UBAP2: variants seen among roughly 807,000 people sequenced by gnomAD.
The protein encoded by UBAP2 is ubiquitin associated protein 2.
In UBAP2, 75 loss-of-function variants were observed where a neutral mutation model predicts 139.6. The ratio of observed to expected loss-of-function variants is 0.54; its 90% CI spans 0.45 to 0.65. The LOEUF (loss-of-function observed/expected upper bound fraction) is 0.65. Among genes scored for constraint, UBAP2 ranks in the 30% least tolerant of loss-of-function variants. UBAP2 has a pLI of 0.00. For missense variants in UBAP2, 1,368 were observed against 1,369.6 expected (o/e 1.00, Z 0.02); for synonymous variants, 526 against 526.2 (o/e 1.00, Z 0.01).
chr9:34,009,806 C>CTTTT (rs201452836), intron 2 of UBAP2, among the ~76,000 whole-genome samples: 2 of 129,814 alleles, frequency 1.5e-5, no homozygotes, highest in African/African-American at 5.6e-5. Flanking sequence ...CTTATATTTC[C>CTTTT]TTTTTTTTTT....
Position 33,979,160 on chromosome 9 carries a change from C to T in UBAP2, c.521-5923G>A, listed in dbSNP as rs75817453. The stretch of plus-strand genomic sequence containing the variant: ...TAAGGCAGCAGGAGTATTGCTTGAA[C>T]GTAAGAGTTGGAGGTTGCAGTGAGC... On this transcript the variant is annotated intron_variant, in intron 6 of 28. Coordinates refer to ENST00000379238, the MANE Select transcript of UBAP2 (RefSeq NM_001370062.2). 2.9e-3 allele frequency among the ~76,000 whole-genome samples: 440 copies of T among 152,206 alleles called. 3 individuals carry two copies. Among genetic ancestry groups the T allele is most frequent in the African/African-American group, 9.7e-3 (402 of 41,530 alleles).
At chr9:33,983,426 A>G (rs907639629) in intron 6 of UBAP2, among the ~76,000 whole-genome samples, 3 of 152,172 alleles carry the variant, frequency 2.0e-5, no homozygotes, top group African/African-American at 7.2e-5. Flanking sequence ...ATACCCTAGG[A>G]AAGAAAACCC....
At chr9:33,965,142 G>A (rs1014169488) in intron 8 of UBAP2, among the ~76,000 whole-genome samples, 4 of 152,076 alleles carry the variant, frequency 2.6e-5, no homozygotes, top group Admixed American at 1.3e-4. Flanking sequence ...ACCAGTCTCC[G>A]TGTTAAAACA....
At chr9:33,990,072 T>C (rs1587621841) in intron 4 of UBAP2, among the ~76,000 whole-genome samples, 4 of 132,298 alleles carry the variant, frequency 3.0e-5, no homozygotes, top group Non-Finnish European at 6.6e-5. Flanking sequence ...TATATATATA[T>C]AAATGGCTGA....
rs1416722993 is a variant in UBAP2, at chr9:34,030,929, A to C, written c.-41-13740T>G. 2.0e-5 allele frequency among the ~76,000 whole-genome samples: 3 copies of C among 151,748 alleles called. No individual in the cohort carries two copies. The East Asian group carries it at 5.8e-4, about 30-fold the overall frequency. ...TGGGCGACAGAGCAAGACTCATCTCAAAAAAATTAAACTAAAAATAAAAAT... is the reference window on the plus strand; with the variant it reads ...TGGGCGACAGAGCAAGACTCATCTCCAAAAAATTAAACTAAAAATAAAAAT... On this transcript the variant is annotated intron_variant, in intron 1 of 28. Coordinates refer to ENST00000379238, the MANE Select transcript of UBAP2 (RefSeq NM_001370062.2).
intron 1 of UBAP2, among the ~76,000 whole-genome samples, chr9:34,047,166 TGAGAG>T (rs1827676463): frequency 6.6e-6 from 1 of 152,032 alleles, no homozygotes; most frequent in Non-Finnish European, 1.5e-5. Context: ...TTATTGAGGG[TGAGAG>T]GCAACAGGGA....
intron 12 of UBAP2, among the ~76,000 whole-genome samples, chr9:33,951,265 C>T (rs1363495116): frequency 6.6e-6 from 1 of 151,658 alleles, no homozygotes; most frequent in Non-Finnish European, 1.5e-5. Flanking sequence ...AATCTTCCAG[C>T]CTCAGCCTCC....
chr9:34,030,295 C>T (rs543567302), intron 1 of UBAP2, among the ~76,000 whole-genome samples: 1 of 151,708 alleles, frequency 6.6e-6, no homozygotes, highest in South Asian at 2.1e-4. Context: ...AATACAAAAA[C>T]AAAATTAGCC....
chr9:33,961,732 T>C (rs1218108497), intron 9 of UBAP2, among the ~76,000 whole-genome samples: 1 of 152,136 alleles, frequency 6.6e-6, no homozygotes, highest in African/African-American at 2.4e-5. Context: ...AAAATTCCAT[T>C]TCTCTCCAAA....
At chr9:34,002,764 G>A (rs953486957) in intron 2 of UBAP2, among the ~76,000 whole-genome samples, 2 of 151,996 alleles carry the variant, frequency 1.3e-5, no homozygotes, top group African/African-American at 2.4e-5. Flanking sequence ...CTGCCTCCCA[G>A]GCTCAAGCAA....
intron 7 of UBAP2, 46 bp from the exon 8 acceptor site, chr9:33,971,800 C>T (rs556960908): frequency 2.6e-6 from 3 of 1,161,698 alleles, no homozygotes; most frequent in African/African-American, 3.0e-5. Flanking sequence ...GAAGCAAACA[C>T]CTAAGCCAAA....
intron 6 of UBAP2, among the ~76,000 whole-genome samples, chr9:33,980,891 G>A (rs958148665): frequency 2.0e-5 from 3 of 150,802 alleles, no homozygotes; most frequent in African/African-American, 4.9e-5. Context: ...AGAGTGCACT[G>A]AGCCAAGATC....
intron 13 of UBAP2, among the ~76,000 whole-genome samples, chr9:33,946,715 A>T (rs1386005903): frequency 2.6e-5 from 4 of 151,326 alleles, no homozygotes; most frequent in African/African-American, 4.8e-5. Context: ...AATTTAATTT[A>T]AAAAAAAACA....
chr9:34,034,649 C>T (rs916053477), intron 1 of UBAP2, among the ~76,000 whole-genome samples: 4 of 152,006 alleles, frequency 2.6e-5, no homozygotes, highest in Non-Finnish European at 4.4e-5. Flanking sequence ...CACAGGCGGG[C>T]GGATCAGGAG....
chr9:33,969,380 C>T (rs969201859), intron 8 of UBAP2, among the ~76,000 whole-genome samples: 1 of 151,904 alleles, frequency 6.6e-6, no homozygotes, highest in Non-Finnish European at 1.5e-5. Context: ...AATCTTATCT[C>T]TACAAAAAAC....
chr9:33,950,989 TATC>T (rs1408726974), intron 12 of UBAP2, among the ~76,000 whole-genome samples: 1 of 152,242 alleles, frequency 6.6e-6, no homozygotes, highest in East Asian at 1.9e-4. Context: ...ACTTGGGAAA[TATC>T]ATCATCACTT....
Position 33,963,754 on chromosome 9 carries a change from C to T in UBAP2, c.717G>A (p.Leu239=). The T allele has an allele frequency of 6.2e-7, 1 of 1,612,394 alleles. No individual in the cohort carries two copies. The highest frequency in any genetic ancestry group is 8.5e-7 in the Non-Finnish European group (1 of 1,178,804). ...TGAGTCCATAAGAACTTTTGTTTGA[C>T]AGATCCTGAGCTATGTTGTGAGTAT... ...ASNTHNIAQD[L]SNKSSYGLKG... is the part of the protein sequence containing the mutation. The change falls in exon 9 of 29, where the codon CTG becomes CTA. Residue 239 remains leucine (L), a synonymous_variant. Coordinates refer to ENST00000379238, the MANE Select transcript of UBAP2 (RefSeq NM_001370062.2).
At chr9:34,034,888 A>AAAC (rs200579105) in intron 1 of UBAP2, among the ~76,000 whole-genome samples, 28 of 2,334 alleles carry the variant, frequency 0.012, 1 homozygote, top group African/African-American at 0.041. Context: ...ACAAACAAAC[A>AAAC]AAAAAAAAAC....
chr9:33,955,868 G>C (rs1356866756), intron 11 of UBAP2, among the ~76,000 whole-genome samples: 1 of 151,486 alleles, frequency 6.6e-6, no homozygotes, highest in African/African-American at 2.4e-5. Context: ...CATGATGTCT[G>C]CAACAACTGC....
Sources: gnomAD v4.1 joint callset for allele counts (sites outside exome capture counted in the v4.1 genomes callset) on GRCh38, gnomAD v4.1.1 for gene constraint, MANE v1.5 for transcripts, NCBI Gene and HGNC (gene_info 2026-07-23, HGNC 2026-07-21) for gene names.